NAV3: variants seen among roughly 807,000 people sequenced by gnomAD.
The protein encoded by NAV3 is neuron navigator 3.
A neutral mutation model predicts 244.7 loss-of-function variants in NAV3; 87 were observed. The ratio of observed to expected loss-of-function variants is 0.36; its 90% CI spans 0.30 to 0.42. The LOEUF (loss-of-function observed/expected upper bound fraction) is 0.42. Among genes scored for constraint, NAV3 ranks in the 20% least tolerant of loss-of-function variants. The pLI is 1.00. For missense variants in NAV3, 2,663 were observed against 2,893.3 expected (o/e 0.92, Z 1.83); for synonymous variants, 1,126 against 1,042.2 (o/e 1.08, Z -1.55).
At chr12:77,857,144 A>G (rs543868693) in intron 1 of NAV3, among the ~76,000 whole-genome samples, 1 of 152,216 alleles carries the variant, frequency 6.6e-6, no homozygotes, top group South Asian at 2.1e-4. Flanking sequence ...ACTGTTTTAC[A>G]TGCAAATTCT....
intron 2 of NAV3, among the ~76,000 whole-genome samples, chr12:77,573,146 G>A (rs1208855913): frequency 6.6e-6 from 1 of 152,150 alleles, no homozygotes; most frequent in East Asian, 1.9e-4. Context: ...TTAGTTAGAT[G>A]TGGATCTAAG....
chr12:78,140,754 T>C lies in NAV3; in HGVS notation c.4683+420T>C, dbSNP rs1264722059. ...TTCTCATTTTTTATTTTTAAGTTTATTGTTGAGAGGATTATCGAAGGGTAA... is the reference window on the plus strand; with the variant it reads ...TTCTCATTTTTTATTTTTAAGTTTACTGTTGAGAGGATTATCGAAGGGTAA... On this transcript the variant is annotated intron_variant, in intron 20 of 39. Transcript: ENST00000397909. Among the ~76,000 whole-genome samples, 4 of 152,124 alleles carry C rather than the reference T, an allele frequency of 2.6e-5. No individual in the cohort carries two copies. The East Asian group carries it at 5.8e-4, about 22-fold the overall frequency.
At chr12:78,081,651 G>A (rs1953359196) in intron 12 of NAV3, among the ~76,000 whole-genome samples, 1 of 152,150 alleles carries the variant, frequency 6.6e-6, no homozygotes, top group Non-Finnish European at 1.5e-5. Flanking sequence ...AAGTGGGAGA[G>A]AGGCTCATCT....
At position 78,072,333 on chromosome 12, in the gene NAV3, A is replaced by G. The variant is rs1177036822; in HGVS notation, c.2636+13218A>G. On this transcript the variant is annotated intron_variant, in intron 12 of 39. Transcript: ENST00000397909. Reference sequence around the variant, plus strand: ...AAGAGAGAAGAATCAAATAGACACAATAAAAAATGATAAAGGGGATATCAC... The same window carrying G: ...AAGAGAGAAGAATCAAATAGACACAGTAAAAAATGATAAAGGGGATATCAC... Among the ~76,000 whole-genome samples, 5 of 135,630 alleles carry G rather than the reference A, an allele frequency of 3.7e-5. No individual in the cohort carries two copies. The South Asian group carries it at 8.1e-4, about 22-fold the overall frequency. 89.0% of individuals were successfully genotyped at this position (135,630 alleles called of 152,430 possible).
Position 77,831,185 on chromosome 12 carries a change from G to C in NAV3, c.-277G>C, listed in dbSNP as rs531244982. On this transcript the variant is annotated 5_prime_UTR_variant, in exon 1 of 40. Transcript: ENST00000397909. ...AGAGAGAGACAGAGAGAGAGAGAGAGAGAGAGAGACAGAGAGAGAGAGAGA... is the reference window on the plus strand; with the variant it reads ...AGAGAGAGACAGAGAGAGAGAGAGACAGAGAGAGACAGAGAGAGAGAGAGA... 919 of 135,538 alleles carry C rather than the reference G, an allele frequency of 6.8e-3. 4 individuals carry two copies. Among genetic ancestry groups the C allele is most frequent in the Middle Eastern group, 0.014 (5 of 370 alleles). The allele number at this position is 135,538 out of a possible 1,614,324, so 8.4% of individuals were successfully genotyped here. A position where few individuals can be genotyped will look rare whatever the true frequency, so the allele number is the denominator to read the frequency against.
Position 78,116,832 on chromosome 12 carries a change from T to C in NAV3, c.2697T>C (p.Thr899=). ...GLSDTLDNIS[T]DDLNTTSSVS... is the part of the protein sequence containing the mutation. ...GTGACACCCTTGATAACATCAGCAC[T>C]GATGACCTGAACACCACATCCTCTG... The change falls in exon 13 of 40, where the codon ACT becomes ACC. Residue 899 remains threonine (T), a synonymous_variant. Coordinates refer to ENST00000397909, the MANE Select transcript of NAV3 (RefSeq NM_001024383.2). 6.2e-7 allele frequency: 1 copy of C among 1,613,138 alleles called. No individual in the cohort carries two copies. Among genetic ancestry groups the C allele is most frequent in the Non-Finnish European group, 8.5e-7 (1 of 1,179,378 alleles).
chr12:77,762,240 G>A (rs796852247), intron 2 of NAV3, among the ~76,000 whole-genome samples: 15 of 152,126 alleles, frequency 9.9e-5, no homozygotes, highest in African/African-American at 3.6e-4. Flanking sequence ...AGAACACATG[G>A]ACACAGTGAG....
chr12:78,111,240 G>A (rs1247698591), intron 12 of NAV3, among the ~76,000 whole-genome samples: 4 of 151,996 alleles, frequency 2.6e-5, no homozygotes, highest in South Asian at 2.1e-4. Flanking sequence ...AATTAAATGC[G>A]TACAAATAAA....
chr12:78,094,082 G>A (rs529823681), intron 12 of NAV3, among the ~76,000 whole-genome samples: 7 of 152,130 alleles, frequency 4.6e-5, no homozygotes, highest in East Asian at 1.9e-4. Context: ...TCAAGCAATC[G>A]TCCCACTTTA....
intron 16 of NAV3, among the ~76,000 whole-genome samples, chr12:78,125,837 T>C (rs1226686735): frequency 6.6e-6 from 1 of 152,202 alleles, no homozygotes; most frequent in Non-Finnish European, 1.5e-5. Flanking sequence ...ATTAAATTGC[T>C]CTTCATCATA....
intron 2 of NAV3, among the ~76,000 whole-genome samples, chr12:77,741,655 T>C (rs896278577): frequency 5.9e-5 from 9 of 152,148 alleles, no homozygotes; most frequent in African/African-American, 2.2e-4. Context: ...AAAATGTCTT[T>C]TTCTTACCTT....
chr12:78,208,025 G>T (rs1012935716), intron 39 of NAV3, among the ~76,000 whole-genome samples: 1 of 152,090 alleles, frequency 6.6e-6, no homozygotes, highest in South Asian at 2.1e-4. Flanking sequence ...ATTTAGTGTT[G>T]CTATAACAGA....
At chr12:77,692,663 A>C (rs1875090028) in intron 2 of NAV3, among the ~76,000 whole-genome samples, 1 of 152,132 alleles carries the variant, frequency 6.6e-6, no homozygotes, top group Non-Finnish European at 1.5e-5. Flanking sequence ...AGCTATTTAA[A>C]TAAAGGTATA....
intron 30 of NAV3, among the ~76,000 whole-genome samples, chr12:78,182,557 A>T (rs1282086250): frequency 6.6e-6 from 1 of 151,970 alleles, no homozygotes; most frequent in African/African-American, 2.4e-5. Context: ...ACAGACACAT[A>T]TAAAAAAAAC....
chr12:78,116,827 A>G lies in NAV3; in HGVS notation c.2692A>G (p.Ser898Gly), dbSNP rs1955404156. 6 of 1,612,602 alleles carry G rather than the reference A, an allele frequency of 3.7e-6. No individual in the cohort carries two copies. The highest frequency in any genetic ancestry group is 1.3e-5 in the African/African-American group (1 of 74,990). ...SGLSDTLDNISTDDLNTTSSV... is the reference protein window; with the variant it reads ...SGLSDTLDNIGTDDLNTTSSV... The stretch of plus-strand genomic sequence containing the variant: ...TCTCAGTGACACCCTTGATAACATC[A>G]GCACTGATGACCTGAACACCACATC... The change falls in exon 13 of 40, where the codon AGC becomes GGC. Residue 898 changes from serine to glycine, a missense_variant. This residue lies in a region of NAV3 where 1,521 missense variants were observed against 1,497.0 expected (regional missense o/e 1.02). Transcript: ENST00000397909.
intron 1 of NAV3, among the ~76,000 whole-genome samples, chr12:77,900,289 G>A (rs1421179346): frequency 2.0e-5 from 3 of 151,996 alleles, no homozygotes; most frequent in Admixed American, 2.0e-4. Flanking sequence ...TGTTAGCCAG[G>A]ATGGTCTCGA....
At chr12:77,789,508 TAA>T (rs36070299) in intron 2 of NAV3, among the ~76,000 whole-genome samples, 53,581 of 146,830 alleles carry the variant, frequency 0.36, 10,380 homozygotes, top group East Asian at 0.48. Flanking sequence ...GCTAATGAGC[TAA>T]AAAAAAAAAA....
chr12:77,716,248 C>A (rs73412543), intron 2 of NAV3, among the ~76,000 whole-genome samples: 3,787 of 151,084 alleles, frequency 0.025, 86 homozygotes, highest in African/African-American at 0.06. Flanking sequence ...TTCAAGAAAT[C>A]TAATTACATG....
At chr12:77,971,953 G>C (rs1893032212) in intron 5 of NAV3, among the ~76,000 whole-genome samples, 1 of 151,708 alleles carries the variant, frequency 6.6e-6, no homozygotes, top group South Asian at 2.1e-4. Context: ...ATTTGATTTT[G>C]CTATTTTGAA....
Sources: gnomAD v4.1 joint callset for allele counts (sites outside exome capture counted in the v4.1 genomes callset) on GRCh38, gnomAD v4.1.1 for gene constraint, gnomAD v4.1.1 regional missense constraint, MANE v1.5 for transcripts, NCBI Gene and HGNC (gene_info 2026-07-23, HGNC 2026-07-21) for gene names.